The following TRAF3IP1 variants were observed in gnomAD, a reference collection of about 807,000 sequenced individuals.
The protein encoded by TRAF3IP1 is intraflagellar transport 54.
A neutral mutation model predicts 89.9 loss-of-function variants in TRAF3IP1; 53 were observed. The ratio of observed to expected loss-of-function variants is 0.59; its 90% CI spans 0.47 to 0.74. The LOEUF is 0.74. Among genes scored for constraint, TRAF3IP1 ranks in the 30% least tolerant of loss-of-function variants. TRAF3IP1 has a pLI of 0.00. For missense variants in TRAF3IP1, 806 were observed against 866.1 expected, an observed-to-expected ratio of 0.93 and a Z score of 0.87; for synonymous variants, 311 against 322.1, an observed-to-expected ratio of 0.97 and a Z score of 0.37.
chr2:238,376,165 G>A (rs1272496715), intron 15 of TRAF3IP1, among the ~76,000 whole-genome samples: 1 of 152,224 alleles, frequency 6.6e-6, no homozygotes, highest in East Asian at 1.9e-4. Context: ...AAATGCATGA[G>A]CGTGGCTGGT....
At chr2:238,326,868 C>T (rs1368544103) in intron 3 of TRAF3IP1, among the ~76,000 whole-genome samples, 1 of 152,152 alleles carries the variant, frequency 6.6e-6, no homozygotes, top group African/African-American at 2.4e-5. Context: ...GTCCAGCATG[C>T]AAACTTAGAG....
intron 8 of TRAF3IP1, among the ~76,000 whole-genome samples, chr2:238,340,891 T>A (rs540607776): frequency 2.0e-5 from 3 of 152,128 alleles, no homozygotes; most frequent in Admixed American, 6.5e-5. Context: ...AGAGTCTCAC[T>A]CTGTTGCTCA....
chr2:238,384,075 C>T (rs879629185), intron 15 of TRAF3IP1, among the ~76,000 whole-genome samples: 2 of 152,116 alleles, frequency 1.3e-5, no homozygotes, highest in African/African-American at 4.8e-5. Flanking sequence ...GGGCCCCCCC[C>T]ATCTGGATGC....
intron 15 of TRAF3IP1, among the ~76,000 whole-genome samples, chr2:238,384,289 T>C (rs577218375): frequency 6.6e-6 from 1 of 152,282 alleles, no homozygotes; most frequent in African/African-American, 2.4e-5. Context: ...GTTTTACACT[T>C]GTTTGCTAGT....
chr2:238,391,387 A>C (rs904978646), intron 15 of TRAF3IP1, among the ~76,000 whole-genome samples: 1 of 152,232 alleles, frequency 6.6e-6, no homozygotes, highest in Non-Finnish European at 1.5e-5. Context: ...AAAATTGTTG[A>C]TATATCTACA....
intron 15 of TRAF3IP1, among the ~76,000 whole-genome samples, chr2:238,393,718 A>G (rs1363590387): frequency 1.3e-5 from 2 of 152,138 alleles, no homozygotes; most frequent in Admixed American, 6.5e-5. Flanking sequence ...TGGCTTATGG[A>G]TGTCCACTTA....
chr2:238,341,651 G>A (rs1698665266), intron 8 of TRAF3IP1, among the ~76,000 whole-genome samples: 3 of 151,730 alleles, frequency 2.0e-5, no homozygotes, highest in Non-Finnish European at 2.9e-5. Context: ...TTTATGGGCC[G>A]TACGTCTGAT....
rs200008211 is a variant in TRAF3IP1 at position 238,368,012 on chromosome 2, GTGTT to G, written c.1689+11933_1689+11936del. Among the ~76,000 whole-genome samples the G allele has an allele frequency of 3.2e-3, 451 of 143,132 alleles. 2 individuals are homozygous for G. The highest frequency in any genetic ancestry group is 0.01 in the African/African-American group (425 of 40,804). The allele number at this position is 143,132 out of a possible 152,430, so 93.9% of individuals were successfully genotyped here. A position where few individuals can be genotyped will look rare whatever the true frequency, so the allele number is the denominator to read the frequency against. ...AAAGGGAAATTTGTGTTTTTAAAAAGTGTTAGTTAGTATTTTTGTCCTTTCCAAA... is the reference window on the plus strand; with the variant it reads ...AAAGGGAAATTTGTGTTTTTAAAAAGAGTTAGTATTTTTGTCCTTTCCAAA... On this transcript the variant is annotated intron_variant, in intron 15 of 16. Coordinates refer to ENST00000373327, the MANE Select transcript of TRAF3IP1 (RefSeq NM_015650.4).
At chr2:238,343,462 G>T (rs566373439) in intron 8 of TRAF3IP1, among the ~76,000 whole-genome samples, 91 of 151,864 alleles carry the variant, frequency 6.0e-4, no homozygotes, top group South Asian at 5.8e-3. Context: ...GCTCACTGCA[G>T]CCTCGACCTC....
chr2:238,351,906 CGTGTGTGT>C lies in TRAF3IP1; in HGVS notation c.1452-906_1452-899del, dbSNP rs150407213. Among the ~76,000 whole-genome samples, 1 of 144,124 alleles carries C rather than the reference CGTGTGTGT, an allele frequency of 6.9e-6. No individual in the cohort carries two copies. The highest frequency in any genetic ancestry group is 1.5e-5 in the Non-Finnish European group (1 of 65,436). 94.6% of individuals were successfully genotyped at this position (144,124 alleles called of 152,430 possible). A position where few individuals can be genotyped will look rare whatever the true frequency, so the allele number is the denominator to read the frequency against. On this transcript the variant is annotated intron_variant, in intron 12 of 16. Transcript: ENST00000373327. This position sits in a 1 kb window ranked among gnomAD's most constrained non-coding sequence, Gnocchi z 5.2. ...GTGCGTGCATGTGCTTGTGTGTATG[CGTGTGTGT>C]GTGTGTGTGTGTGTATGCATGTGCA...
rs945950148 is a variant in TRAF3IP1 at position 238,329,239 on chromosome 2, G to A, written c.812G>A (p.Arg271Gln). The change falls in exon 5 of 17, where the codon CGG becomes CAG. Residue 271 changes from arginine to glutamine, a missense_variant. This residue lies in a region of TRAF3IP1 where 732 missense variants were observed against 780.5 expected (regional missense o/e 0.94). Coordinates refer to ENST00000373327, the MANE Select transcript of TRAF3IP1 (RefSeq NM_015650.4). ...RLRDRDRERDRDKGKDRDRRR... is the reference protein window; with the variant it reads ...RLRDRDRERDQDKGKDRDRRR... ...AGAGACAGGGACCGAGAGCGCGACC[G>A]GGACAAAGGGAAGGACAGGGACAGA... 7.1e-6 allele frequency: 11 copies of A among 1,542,808 alleles called. No homozygotes were observed. In the Middle Eastern group the frequency reaches 7.0e-4, roughly 99 times the overall value.
intron 14 of TRAF3IP1, among the ~76,000 whole-genome samples, chr2:238,354,130 C>T (rs1485762961): frequency 6.6e-6 from 1 of 152,180 alleles, no homozygotes; most frequent in Non-Finnish European, 1.5e-5. Context: ...CTCAGTTTTT[C>T]TTATTAATGT....
Position 238,400,764 on chromosome 2 carries a change from A to C in TRAF3IP1, c.*1845A>C, listed in dbSNP as rs1178866861. On this transcript the variant is annotated 3_prime_UTR_variant, in exon 17 of 17. Transcript: ENST00000373327. ...TTTATGAATTTGTATATGTGAATAG[A>C]GTTTGGGGGTTGCCAAAAATTGCAT... is the stretch of plus-strand genomic sequence containing the variant. 2 of 152,210 alleles carry C rather than the reference A, an allele frequency of 1.3e-5. No individual in the cohort carries two copies. Among genetic ancestry groups the C allele is most frequent in the Non-Finnish European group, 2.9e-5 (2 of 68,034 alleles). 9.4% of individuals were successfully genotyped at this position (152,210 alleles called of 1,614,324 possible).
intron 15 of TRAF3IP1, among the ~76,000 whole-genome samples, chr2:238,367,792 ATCTAGCCCCAAAGTACAGGT>A (rs1378875199): frequency 6.6e-6 from 1 of 152,158 alleles, no homozygotes; most frequent in Admixed American, 6.5e-5. Flanking sequence ...CCAAACTCTT[ATCTAGCCCCAAAGTACAGGT>A]TCTGACCACA....
intron 15 of TRAF3IP1, among the ~76,000 whole-genome samples, chr2:238,396,327 A>C (rs1036675195): frequency 7.0e-6 from 1 of 143,220 alleles, no homozygotes; most frequent in Non-Finnish European, 1.5e-5. Flanking sequence ...GGAATTGAAC[A>C]ATGAGAACAC....
At position 238,398,789 on chromosome 2, in the gene TRAF3IP1, A is replaced by G. The variant is rs1371952686; in HGVS notation, c.1946A>G (p.Glu649Gly). 2 of 1,611,884 alleles carry G rather than the reference A, an allele frequency of 1.2e-6. No homozygotes were observed. The highest frequency in any genetic ancestry group is 2.2e-5 in the South Asian group (2 of 90,608). ...TDCAVEPLKA[E>G]LAELEQLIKD... ...TGTGCCGTGGAGCCCTTAAAGGCTG[A>G]GCTCGCGGAGCTGGAGCAGCTGATC... Residue 649 changes from glutamate to glycine, a missense_variant, in exon 17 of 17, where the codon GAG (glutamate) becomes GGG (glycine). Physicochemically the swap from Glu to Gly is moderately conservative, Grantham distance 98. Transcript: ENST00000373327.
intron 8 of TRAF3IP1, 25 bp downstream of exon 8, chr2:238,338,482 T>C (rs1169088082): frequency 7.7e-7 from 1 of 1,296,976 alleles, no homozygotes; most frequent in Non-Finnish European, 1.1e-6. Context: ...TTCTTTAGTT[T>C]AAATTCCTCA....
intron 9 of TRAF3IP1, 27 bp downstream of exon 9, chr2:238,344,625 C>G (rs56304316): frequency 2.5e-6 from 4 of 1,597,774 alleles, no homozygotes; most frequent in Non-Finnish European, 3.4e-6. Flanking sequence ...TTCGCCCTTT[C>G]CTGGCGAGAG....
chr2:238,362,126 ACT>A (rs1699687918), intron 15 of TRAF3IP1, among the ~76,000 whole-genome samples: 1 of 150,592 alleles, frequency 6.6e-6, no homozygotes, highest in African/African-American at 2.4e-5. Flanking sequence ...CCAGCACAGC[ACT>A]CTCCTCTGGC....
Sources: allele counts gnomAD v4.1 joint callset (sites outside exome capture counted in the v4.1 genomes callset), GRCh38; gene constraint gnomAD v4.1.1; regional missense constraint gnomAD v4.1.1; non-coding constraint Gnocchi (gnomAD v3.1); transcripts MANE v1.5; gene names NCBI Gene and HGNC (gene_info 2026-07-23, HGNC 2026-07-21).